The following CNMD variants were observed in gnomAD, a reference collection of about 807,000 sequenced individuals.
CNMD encodes the protein chondromodulin, also known as leukocyte cell-derived chemotaxin 1.
Under a neutral mutation model 37.5 loss-of-function variants are expected in CNMD, and 30 were observed. The observed-to-expected ratio is 0.80, with a 90% CI of 0.60 to 1.09. CNMD has a LOEUF of 1.09. CNMD is among the 50% of genes least tolerant of loss of function. The pLI is 0.00. For synonymous variants in CNMD, 167 were observed against 148.2 expected (o/e 1.13, Z -0.92); for missense variants, 398 against 423.9 (o/e 0.94, Z 0.54).
intron 2 of CNMD, among the ~76,000 whole-genome samples, chr13:52,734,663 C>CAT (rs1020468269): frequency 2.0e-5 from 3 of 151,590 alleles, no homozygotes; most frequent in African/African-American, 4.9e-5. Context: ...TATATATACA[C>CAT]ATATATATAA....
Position 52,739,138 on chromosome 13 carries a change from G to A in CNMD, c.106C>T (p.Pro36Ser). The A allele has an allele frequency of 6.5e-7, 1 of 1,538,886 alleles. No homozygotes were observed. The highest frequency in any genetic ancestry group is 8.7e-7 in the Non-Finnish European group (1 of 1,149,916). Reference protein sequence around the residue: ...YATLTVKPSSPARLLKVGAVV... With the variant: ...YATLTVKPSSSARLLKVGAVV... ...GCTCCCACCTTGAGCAGCCGCGCGGGGCTGGAGGGCTTCACCGTCAGCGTA... is the reference window on the plus strand; with the variant it reads ...GCTCCCACCTTGAGCAGCCGCGCGGAGCTGGAGGGCTTCACCGTCAGCGTA... Residue 36 changes from proline to serine, a missense_variant, in exon 2 of 7, where the codon CCC becomes TCC. Coordinates refer to ENST00000377962, the MANE Select transcript of CNMD (RefSeq NM_007015.3). This position sits in a 1 kb window ranked among gnomAD's most constrained non-coding sequence, Gnocchi z 5.4.
intron 4 of CNMD, among the ~76,000 whole-genome samples, chr13:52,713,896 C>G (rs1964329595): frequency 6.6e-6 from 1 of 152,124 alleles, no homozygotes; most frequent in African/African-American, 2.4e-5. Flanking sequence ...AATCTTGAGG[C>G]ATGTACTTTT....
intron 5 of CNMD, among the ~76,000 whole-genome samples, chr13:52,710,690 A>G (rs1261663194): frequency 6.6e-6 from 1 of 152,214 alleles, no homozygotes; most frequent in African/African-American, 2.4e-5. Context: ...TTTCATATCT[A>G]TGATATTCCA....
chr13:52,706,727 GTGTGTGTGTGTA>G (rs1481164674), intron 6 of CNMD, among the ~76,000 whole-genome samples: 1 of 16,376 alleles, frequency 6.1e-5, no homozygotes, highest in Non-Finnish European at 1.5e-4. Context: ...TGTTAAAAGT[GTGTGTGTGTGTA>G]TGTGTGTGTG....
chr13:52,737,621 A>G (rs1964793454), intron 2 of CNMD, among the ~76,000 whole-genome samples: 1 of 152,008 alleles, frequency 6.6e-6, no homozygotes, highest in Non-Finnish European at 1.5e-5. Flanking sequence ...AATCTTTACC[A>G]AAAAAAAGCA....
chr13:52,722,048 G>A (rs1437948741), intron 4 of CNMD, among the ~76,000 whole-genome samples: 2 of 152,046 alleles, frequency 1.3e-5, no homozygotes, highest in Non-Finnish European at 2.9e-5. Flanking sequence ...AACAAAGGAG[G>A]TCTTGGTCCC....
Position 52,739,103 on chromosome 13 carries a change from G to T in CNMD, c.141C>A (p.Leu47=). The T allele has an allele frequency of 1.3e-6, 2 of 1,574,072 alleles. No individual in the cohort carries two copies. The highest frequency in any genetic ancestry group is 1.1e-5 in the South Asian group (1 of 88,052). ...ARLLKVGAVV[L]ISGAVLLLFG... is the part of the protein sequence containing the mutation. Reference sequence around the variant, plus strand: ...AGAGCAGCAGCACAGCTCCCGAAATGAGGACCACGGCTCCCACCTTGAGCA... The same window carrying T: ...AGAGCAGCAGCACAGCTCCCGAAATTAGGACCACGGCTCCCACCTTGAGCA... The change falls in exon 2 of 7, where the codon CTC becomes CTA. Residue 47 remains leucine (L), a synonymous_variant. Coordinates refer to ENST00000377962, the MANE Select transcript of CNMD (RefSeq NM_007015.3). This position sits in a 1 kb window ranked among gnomAD's most constrained non-coding sequence, Gnocchi z 5.4.
In CNMD at chr13:52,714,853, A is replaced by C. The variant is rs551462101; in HGVS notation, c.469-1984T>G. Among the ~76,000 whole-genome samples, 13 of 152,294 alleles carry C rather than the reference A, an allele frequency of 8.5e-5. No homozygotes were observed. The South Asian group carries it at 2.7e-3, about 32-fold the overall frequency. ...TTATGCAATTGTAGGTAATTTTATT[A>C]TCTATACTTTTTTTCCCTAAGATGT... On this transcript the variant is annotated intron_variant, in intron 4 of 6. Transcript: ENST00000377962.
chr13:52,711,088 C>T (rs1280797408), intron 5 of CNMD, among the ~76,000 whole-genome samples: 5 of 152,166 alleles, frequency 3.3e-5, no homozygotes, highest in Admixed American at 6.5e-5. Context: ...CCTGAGGGCA[C>T]GGGTTCTTGT....
intron 3 of CNMD, among the ~76,000 whole-genome samples, chr13:52,725,597 G>C (rs1037623896): frequency 6.6e-6 from 1 of 152,122 alleles, no homozygotes; most frequent in Admixed American, 6.5e-5. Flanking sequence ...TCCCAAGAAT[G>C]TTTACTCTCC....
At chr13:52,724,417 CA>C (rs71094319) in intron 3 of CNMD, among the ~76,000 whole-genome samples, 64 of 85,812 alleles carry the variant, frequency 7.5e-4, no homozygotes, top group African/African-American at 2.1e-3. Context: ...ACTAAAAATA[CA>C]AAAAAAAAAA....
At chr13:52,738,443 A>T (rs1380962572) in intron 2 of CNMD, among the ~76,000 whole-genome samples, 1 of 152,204 alleles carries the variant, frequency 6.6e-6, no homozygotes, top group African/African-American at 2.4e-5. Flanking sequence ...TAATTGTTAA[A>T]GAGATTTTCC....
intron 4 of CNMD, among the ~76,000 whole-genome samples, chr13:52,723,679 T>C (rs1407847792): frequency 6.6e-6 from 1 of 151,938 alleles, no homozygotes; most frequent in African/African-American, 2.4e-5. Flanking sequence ...CCTATAATCC[T>C]GGCACTTTAG....
rs150210923 is a variant in CNMD, at chr13:52,712,759, G to A, written c.579C>T (p.Cys193=). 291 of 1,553,510 alleles carry A rather than the reference G, an allele frequency of 1.9e-4. 1 individual carries two copies. The South Asian group carries it at 3.3e-3, about 18-fold the overall frequency. The part of the protein sequence containing the change: ...SFLSSKVLEL[C]GDLPIFWLKP... ...TAAGCCAGAAAATAGGAAGGTCACC[G>A]CAGAGTTCTAACACCTTAGAACTCA... The change falls in exon 5 of 7, where the codon TGC becomes TGT. Residue 193 remains cysteine (C), a synonymous_variant. Transcript: ENST00000377962.
chr13:52,708,237 A>C (rs966848949), intron 6 of CNMD, among the ~76,000 whole-genome samples: 1 of 151,754 alleles, frequency 6.6e-6, no homozygotes, highest in Non-Finnish European at 1.5e-5. Context: ...GCTGAAGTGC[A>C]GTGGCCCAAT....
Position 52,705,672 on chromosome 13 carries a change from A to G in CNMD, c.790-1862T>C, listed in dbSNP as rs181593413. Among the ~76,000 whole-genome samples, 7 of 152,342 alleles carry G rather than the reference A, an allele frequency of 4.6e-5. No homozygotes were observed. The East Asian group carries it at 1.3e-3, about 29-fold the overall frequency. On this transcript the variant is annotated intron_variant, in intron 6 of 6. Transcript: ENST00000377962. ...CTAAGATATGTTTTTTAAAGGAATA[A>G]CTGAATGAGATCATGGAGATAAATG...
intron 3 of CNMD, among the ~76,000 whole-genome samples, chr13:52,730,167 G>A (rs970491223): frequency 1.3e-5 from 2 of 151,898 alleles, no homozygotes; most frequent in Admixed American, 1.3e-4. Flanking sequence ...ATTTTTTATG[G>A]CTGCATAGTA....
chr13:52,724,539 C>T (rs2138255499), intron 3 of CNMD, among the ~76,000 whole-genome samples: 1 of 151,676 alleles, frequency 6.6e-6, no homozygotes, highest in African/African-American at 2.4e-5. Flanking sequence ...TGCAGTGAGC[C>T]AAGATTGCGC....
intron 4 of CNMD, among the ~76,000 whole-genome samples, chr13:52,718,374 T>G (rs1168789370): frequency 6.6e-6 from 1 of 152,200 alleles, no homozygotes; most frequent in East Asian, 1.9e-4. Flanking sequence ...ATTTCTTGTC[T>G]TCTGCTAGCT....
Sources: allele counts gnomAD v4.1 joint callset (sites outside exome capture counted in the v4.1 genomes callset), GRCh38; gene constraint gnomAD v4.1.1; non-coding constraint Gnocchi (gnomAD v3.1); transcripts MANE v1.5; gene names NCBI Gene and HGNC (gene_info 2026-07-23, HGNC 2026-07-21).